Variants in METTL8 observed in about 807,000 individuals in gnomAD.
The protein encoded by METTL8 is methyltransferase 8, tRNA N3-cytidine, also known as tRNA N(3)-cytidine methyltransferase METTL8, mitochondrial.
METTL8 carries 32 observed loss-of-function variants against 48.7 expected under a neutral mutation model. That is an observed-to-expected ratio of 0.66 (90% CI 0.50 to 0.88). The LOEUF (loss-of-function observed/expected upper bound fraction) is 0.88, where lower values mean the gene tolerates loss of function less well. METTL8 is among the 40% of genes least tolerant of loss of function. METTL8 has a pLI of 0.00. For synonymous variants in METTL8, 136 were observed against 157.1 expected (o/e 0.87, Z 1.01); for missense variants, 464 against 474.4 (o/e 0.98, Z 0.20).
chr2:171,422,048 G>C (rs946214337), intron 1 of METTL8, among the ~76,000 whole-genome samples: 2 of 152,170 alleles, frequency 1.3e-5, no homozygotes, highest in Non-Finnish European at 2.9e-5. Context: ...TAAAGAAGAG[G>C]AGTAAGATGG....
rs189983154 is a variant in METTL8 at position 171,349,354 on chromosome 2, C to T, written c.236-9800G>A. Among the ~76,000 whole-genome samples, 16 of 152,238 alleles carry T rather than the reference C, an allele frequency of 1.1e-4. No individual in the cohort carries two copies. In the East Asian group the frequency reaches 2.9e-3, roughly 28 times the overall value. ...CCATTTCCCGAGCCCTTGGCAACCA[C>T]CATTTTTCGTTCTATGAATCTGACT... On this transcript the variant is annotated intron_variant, in intron 3 of 9. Transcript: ENST00000375258.
intron 2 of METTL8, chr2:171,375,045 T>C (rs983129873): frequency 1.8e-6 from 2 of 1,102,762 alleles, no homozygotes; most frequent in African/African-American, 3.1e-5. Context: ...TGCTGTGAAT[T>C]GCACAACTCA....
intron 1 of METTL8, among the ~76,000 whole-genome samples, chr2:171,422,159 A>G (rs1425490841): frequency 6.6e-6 from 1 of 152,216 alleles, no homozygotes; most frequent in Non-Finnish European, 1.5e-5. Context: ...TGGAACAGAA[A>G]ACAGAGCACA....
At chr2:171,354,182 T>C (rs1350749390) in intron 3 of METTL8, among the ~76,000 whole-genome samples, 1 of 152,198 alleles carries the variant, frequency 6.6e-6, no homozygotes, top group East Asian at 1.9e-4. Context: ...AGCATTTGCT[T>C]GTCTGTAAAG....
chr2:171,330,612 C>A lies in METTL8; in HGVS notation c.807G>T (p.Gly269=). 1 of 1,613,352 alleles carries A rather than the reference C, an allele frequency of 6.2e-7. No individual in the cohort carries two copies. Among genetic ancestry groups the A allele is most frequent in the Non-Finnish European group, 8.5e-7 (1 of 1,179,472 alleles). The change falls in exon 7 of 10, where the codon GGG becomes GGT. Residue 269 remains glycine, a synonymous_variant. Coordinates refer to ENST00000375258, the MANE Select transcript of METTL8 (RefSeq NM_001321154.2). ...AGACAAGGAGAATGACATCCAGGAT[C>A]CCATCTGGAAAAGGGTAAGGTAAGC... ...DDGLPYPFPD[G]ILDVILLVFV... is the part of the protein sequence containing the mutation.
intron 1 of METTL8, among the ~76,000 whole-genome samples, chr2:171,422,595 C>A (rs919848891): frequency 6.6e-6 from 1 of 152,020 alleles, no homozygotes; most frequent in Non-Finnish European, 1.5e-5. Context: ...GAGAAACATG[C>A]AGAAACATTC....
chr2:171,373,367 A>T (rs1376310546), intron 2 of METTL8, among the ~76,000 whole-genome samples: 1 of 152,068 alleles, frequency 6.6e-6, no homozygotes, highest in East Asian at 1.9e-4. Context: ...TTCTTTGTAG[A>T]TTCTGGATAT....
At chr2:171,386,060 C>T (rs890123902) in intron 2 of METTL8, among the ~76,000 whole-genome samples, 15 of 152,144 alleles carry the variant, frequency 9.9e-5, no homozygotes, top group Non-Finnish European at 2.1e-4. Context: ...AAAGCTAGCC[C>T]GTGTGTTTGA....
chr2:171,339,286 T>C lies in METTL8; in HGVS notation c.504A>G (p.Lys168=), dbSNP rs775917702. 2.5e-5 allele frequency: 41 copies of C among 1,612,800 alleles called. No homozygotes were observed. The highest frequency in any genetic ancestry group is 9.3e-6 in the Non-Finnish European group (11 of 1,179,298). ...CTAGGTTGGAAAAATCAGATTCTGTTTTGCTTTGACCTTCTGAAGAACCAG... is the reference window on the plus strand; with the variant it reads ...CTAGGTTGGAAAAATCAGATTCTGTCTTGCTTTGACCTTCTGAAGAACCAG... ...KSSGSSEGQS[K]TESDFSNLDS... Residue 168 remains lysine (K), a synonymous_variant, in exon 4 of 10, where the codon AAA becomes AAG. Transcript: ENST00000375258.
At chr2:171,363,665 G>C (rs1685391028) in intron 2 of METTL8, among the ~76,000 whole-genome samples, 1 of 150,666 alleles carries the variant, frequency 6.6e-6, no homozygotes, top group African/African-American at 2.4e-5. Flanking sequence ...TTCAGTGATA[G>C]GGGAATGAAA....
In METTL8 at chr2:171,337,503, C is replaced by T. The variant is rs774820225; in HGVS notation, c.607-1G>A. 2 of 1,603,252 alleles carry T rather than the reference C, an allele frequency of 1.2e-6. No homozygotes were observed. Among genetic ancestry groups the T allele is most frequent in the African/African-American group, 2.7e-5 (2 of 74,602 alleles). On this transcript the variant is annotated splice_acceptor_variant, in intron 4 of 9. Coordinates refer to ENST00000375258, the MANE Select transcript of METTL8 (RefSeq NM_001321154.2). LOFTEE classifies it high-confidence loss of function. The stretch of plus-strand genomic sequence containing the variant: ...CACTATTTCCAGCTCCACAACCAAC[C>T]TAAAATCAAAAGAACAAGCAAATAT...
At chr2:171,387,997 G>A (rs190321072) in intron 2 of METTL8, among the ~76,000 whole-genome samples, 7 of 152,244 alleles carry the variant, frequency 4.6e-5, no homozygotes, top group South Asian at 2.1e-4. Context: ...CAGTGTCTGC[G>A]TGCTGGACAT....
In METTL8 at chr2:171,376,386, T is replaced by C. The variant is rs185463945; in HGVS notation, c.143+15657A>G. On this transcript the variant is annotated intron_variant, in intron 2 of 9. Coordinates refer to ENST00000375258, the MANE Select transcript of METTL8 (RefSeq NM_001321154.2). The stretch of plus-strand genomic sequence containing the variant: ...ACACTTATCATAAAGGGCATCCAAA[T>C]TGGAAAAAAGGAAGTCAAACTATCA... Among the ~76,000 whole-genome samples, 6 of 152,142 alleles carry C rather than the reference T, an allele frequency of 3.9e-5. No individual in the cohort carries two copies. The East Asian group carries it at 1.2e-3, about 29-fold the overall frequency.
rs180801788 is a variant in METTL8, at chr2:171,322,729, G to A, written c.*1443C>T. On this transcript the variant is annotated 3_prime_UTR_variant, in exon 10 of 10. Coordinates refer to ENST00000375258, the MANE Select transcript of METTL8 (RefSeq NM_001321154.2). ...ACTGCACTCCAGCCTGGGTGCCAGA[G>A]CAAGACTCCATCTCAAAAAAAAAAA... 2 of 121,538 alleles carry A rather than the reference G, an allele frequency of 1.6e-5. No individual in the cohort carries two copies. Among genetic ancestry groups the A allele is most frequent in the African/African-American group, 6.5e-5 (2 of 30,560 alleles). The allele number at this position is 121,538 out of a possible 1,614,324, so 7.5% of individuals were successfully genotyped here. A position where few individuals can be genotyped will look rare whatever the true frequency, so the allele number is the denominator to read the frequency against.
rs1255028362 is a variant in METTL8 at position 171,332,976 on chromosome 2, T to A, written c.657-1109A>T. On this transcript the variant is annotated intron_variant, in intron 5 of 9. Transcript: ENST00000375258. ...TGAAGCATATCATTAAGACTTCTAA[T>A]CTGACTCAAGAAGCATTCCAAGCAA... Among the ~76,000 whole-genome samples, 41 of 148,206 alleles carry A rather than the reference T, an allele frequency of 2.8e-4. No homozygotes were observed. In the Admixed American group the frequency reaches 2.8e-3, roughly 10 times the overall value.
chr2:171,376,218 C>A (rs1011621992), intron 2 of METTL8, among the ~76,000 whole-genome samples: 3 of 152,148 alleles, frequency 2.0e-5, no homozygotes, highest in African/African-American at 7.2e-5. Flanking sequence ...CATCTTTATT[C>A]ATGCTACCAC....
intron 7 of METTL8, among the ~76,000 whole-genome samples, chr2:171,326,577 T>C (rs1038788535): frequency 6.6e-6 from 1 of 152,226 alleles, no homozygotes; most frequent in Non-Finnish European, 1.5e-5. Flanking sequence ...GGAATATCTT[T>C]CCTCCAAAAC....
At chr2:171,350,373 T>C (rs1032502226) in intron 3 of METTL8, among the ~76,000 whole-genome samples, 3 of 152,214 alleles carry the variant, frequency 2.0e-5, no homozygotes, top group Non-Finnish European at 4.4e-5. Context: ...TGATGGACAT[T>C]TGGGTTGGTT....
chr2:171,329,700 G>A (rs1430715632), intron 7 of METTL8, among the ~76,000 whole-genome samples: 1 of 152,068 alleles, frequency 6.6e-6, no homozygotes, highest in Non-Finnish European at 1.5e-5. Context: ...AACTGTAAAG[G>A]GTCCTAGTGG....
Sources: allele counts gnomAD v4.1 joint callset (sites outside exome capture counted in the v4.1 genomes callset), GRCh38; gene constraint gnomAD v4.1.1; transcripts MANE v1.5; gene names NCBI Gene and HGNC (gene_info 2026-07-23, HGNC 2026-07-21).